RAPGEF1: variants seen among roughly 807,000 people sequenced by gnomAD.
The protein encoded by RAPGEF1 is CRK SH3-binding GNRP.
Under a neutral mutation model 143.3 loss-of-function variants are expected in RAPGEF1, and 33 were observed. That is an observed-to-expected ratio of 0.23 (90% CI 0.17 to 0.31). RAPGEF1 has a LOEUF of 0.31. Among genes scored for constraint, RAPGEF1 ranks in the 10% least tolerant of loss-of-function variants. The pLI is 1.00. For missense variants in RAPGEF1, 1,199 were observed against 1,645.4 expected, an observed-to-expected ratio of 0.73 and a Z score of 4.69; for synonymous variants, 629 against 676.5, an observed-to-expected ratio of 0.93 and a Z score of 1.09.
At chr9:131,674,627 G>A (rs1316691275) in intron 1 of RAPGEF1, among the ~76,000 whole-genome samples, 3 of 152,116 alleles carry the variant, frequency 2.0e-5, no homozygotes, top group African/African-American at 4.8e-5. Context: ...CGGTGGGCGC[G>A]TGGAGGTGGG....
chr9:131,619,342 T>C, intron 11 of RAPGEF1, 136 bp from the exon 12 acceptor site: 1 of 753,850 alleles, frequency 1.3e-6, no homozygotes, highest in Non-Finnish European at 1.9e-6. Flanking sequence ...GGATGGCTTC[T>C]GGGCCCAGTT....
At chr9:131,622,109 G>A in intron 10 of RAPGEF1, 111 bp from the exon 11 acceptor site, 2 of 1,038,930 alleles carry the variant, frequency 1.9e-6, no homozygotes, top group Non-Finnish European at 2.9e-6. Context: ...AAGCACCTCA[G>A]AGAGGGACGA....
Position 131,675,906 on chromosome 9 carries a change from C to G in RAPGEF1, c.62-24957G>C, listed in dbSNP as rs1479879302. On this transcript the variant is annotated intron_variant, in intron 1 of 26. Coordinates refer to ENST00000683357, the MANE Select transcript of RAPGEF1 (RefSeq NM_001377935.1). The surrounding 1 kb of genome is among the most constrained non-coding windows in gnomAD (Gnocchi z 4.6). ...CTCGAACTGCTCAGTTTGACAAAAA[C>G]TCAGTCTTTTTTTTTTTTTTAATCT... is the stretch of plus-strand genomic sequence containing the variant. 1.3e-5 allele frequency among the ~76,000 whole-genome samples: 2 copies of G among 152,018 alleles called. No individual in the cohort carries two copies. Among genetic ancestry groups the G allele is most frequent in the African/African-American group, 4.8e-5 (2 of 41,420 alleles).
At chr9:131,582,868 T>C (rs915160612) in intron 24 of RAPGEF1, among the ~76,000 whole-genome samples, 166 bp from the exon 25 acceptor site, 7 of 152,190 alleles carry the variant, frequency 4.6e-5, no homozygotes, top group African/African-American at 1.7e-4. Flanking sequence ...GTCCTGGCCC[T>C]GGCCAGCAGG....
chr9:131,738,870 C>T (rs1453367641), intron 1 of RAPGEF1, among the ~76,000 whole-genome samples: 1 of 152,164 alleles, frequency 6.6e-6, no homozygotes, highest in Non-Finnish European at 1.5e-5. Flanking sequence ...AAGCCACAGA[C>T]CTCCTTTGCA....
At chr9:131,610,175 C>T (rs1157236304) in intron 12 of RAPGEF1, among the ~76,000 whole-genome samples, 1 of 152,150 alleles carries the variant, frequency 6.6e-6, no homozygotes, top group East Asian at 1.9e-4. Context: ...TGATTATAGG[C>T]GTGAGCCATC....
chr9:131,584,164 C>A lies in RAPGEF1; in HGVS notation c.3414+147G>T. 1.4e-6 allele frequency: 1 copy of A among 733,318 alleles called. No homozygotes were observed. Among genetic ancestry groups the A allele is most frequent in the Admixed American group, 2.6e-5 (1 of 37,962 alleles). The allele number at this position is 733,318 out of a possible 1,614,324, so 45.4% of individuals were successfully genotyped here. ...ACAGGAAGGCGGGAGGGCAGCTGTT[C>A]TGGTCACACAGCATGTCGGTGGCAG... On this transcript the variant is annotated intron_variant, in intron 24 of 26. Coordinates refer to ENST00000683357, the MANE Select transcript of RAPGEF1 (RefSeq NM_001377935.1). The surrounding 1 kb of genome is among the most constrained non-coding windows in gnomAD (Gnocchi z 6.8).
At chr9:131,620,977 T>G (rs1960787137) in intron 11 of RAPGEF1, among the ~76,000 whole-genome samples, 1 of 152,186 alleles carries the variant, frequency 6.6e-6, no homozygotes, top group Non-Finnish European at 1.5e-5. Flanking sequence ...AGCCTGGAGC[T>G]CCCTGCTGGG....
rs201940435 is a variant in RAPGEF1, at chr9:131,626,334, C to T, written c.1290G>A (p.Pro430=). 1.6e-3 allele frequency: 2,663 copies of T among 1,613,976 alleles called. 51 individuals carry two copies. In the South Asian group the frequency reaches 0.022, roughly 13 times the overall value. ...IPQQTAWNLS[P]LPESLGESGS... is the part of the protein sequence containing the mutation. ...CAGACTCCCCCAAAGACTCTGGCAA[C>T]GGGCTAAGGTTCCAGGCCGTCTGCT... Residue 430 remains proline, a synonymous_variant, in exon 10 of 27, where the codon CCG becomes CCA. Coordinates refer to ENST00000683357, the MANE Select transcript of RAPGEF1 (RefSeq NM_001377935.1).
intron 17 of RAPGEF1, among the ~76,000 whole-genome samples, chr9:131,593,592 G>A (rs971128264): frequency 1.3e-5 from 2 of 152,202 alleles, no homozygotes; most frequent in Non-Finnish European, 2.9e-5. Flanking sequence ...ATCTCCAGCT[G>A]AGTCATGCTG....
intron 1 of RAPGEF1, among the ~76,000 whole-genome samples, chr9:131,728,564 T>C (rs1343882671): frequency 6.6e-6 from 1 of 152,206 alleles, no homozygotes; most frequent in African/African-American, 2.4e-5. Context: ...CTGAAATGAA[T>C]TGCCCTCTAC....
chr9:131,607,535 G>A (rs1957305743), intron 12 of RAPGEF1, among the ~76,000 whole-genome samples: 1 of 152,126 alleles, frequency 6.6e-6, no homozygotes, highest in Non-Finnish European at 1.5e-5. Context: ...CCACAGAGAA[G>A]ACAGCAAGCA....
intron 1 of RAPGEF1, among the ~76,000 whole-genome samples, chr9:131,681,218 T>G (rs1481273745): frequency 6.6e-6 from 1 of 152,146 alleles, no homozygotes; most frequent in Non-Finnish European, 1.5e-5. Flanking sequence ...CTCATTATTA[T>G]TTTGAAGAAA....
At chr9:131,708,257 C>G (rs1370424276) in intron 1 of RAPGEF1, among the ~76,000 whole-genome samples, 1 of 152,194 alleles carries the variant, frequency 6.6e-6, no homozygotes, top group Non-Finnish European at 1.5e-5. Flanking sequence ...TGTCTTGCTA[C>G]TGATCAAATG....
chr9:131,610,899 C>A (rs1270616442), intron 12 of RAPGEF1, among the ~76,000 whole-genome samples: 3 of 152,188 alleles, frequency 2.0e-5, no homozygotes, highest in Non-Finnish European at 2.9e-5. Context: ...CACCCTCCTG[C>A]CCCAGGAAAG....
chr9:131,727,577 G>C (rs1333415464), intron 1 of RAPGEF1, among the ~76,000 whole-genome samples: 1 of 152,090 alleles, frequency 6.6e-6, no homozygotes, highest in Non-Finnish European at 1.5e-5. Flanking sequence ...CATTTCTGGT[G>C]ATCATGACTC....
chr9:131,617,978 C>T (rs1371705877), intron 12 of RAPGEF1, among the ~76,000 whole-genome samples: 2 of 152,222 alleles, frequency 1.3e-5, no homozygotes, highest in Non-Finnish European at 2.9e-5. Context: ...TCAGTGTCAG[C>T]CCCTAGGCTT....
rs771994429 is a variant in RAPGEF1, at chr9:131,587,928, G to A, written c.3138+14C>T. The A allele has an allele frequency of 4.4e-6, 7 of 1,607,050 alleles. No individual in the cohort carries two copies. In the Admixed American group the frequency reaches 6.8e-5, roughly 16 times the overall value. The stretch of plus-strand genomic sequence containing the variant: ...ACAAACAGTGTGGCTCCCCCTGGCA[G>A]GAGCAGCCTGTACCTCTATTTTATA... On this transcript the variant is annotated intron_variant, in intron 21 of 26. Transcript: ENST00000683357.
At chr9:131,612,993 C>A (rs890400430) in intron 12 of RAPGEF1, among the ~76,000 whole-genome samples, 1 of 152,210 alleles carries the variant, frequency 6.6e-6, no homozygotes, top group Non-Finnish European at 1.5e-5. Context: ...CAGCCCATCC[C>A]CTCTCCTCAG....
Sources: gnomAD v4.1 joint callset for allele counts (sites outside exome capture counted in the v4.1 genomes callset) on GRCh38, gnomAD v4.1.1 for gene constraint, Gnocchi (gnomAD v3.1) non-coding constraint, MANE v1.5 for transcripts, NCBI Gene and HGNC (gene_info 2026-07-23, HGNC 2026-07-21) for gene names.